ARL13B: variants seen among roughly 807,000 people sequenced by gnomAD.
ARL13B encodes the protein ADP-ribosylation factor-like protein 13B.
A neutral mutation model predicts 56.1 loss-of-function variants in ARL13B; 36 were observed. The ratio of observed to expected loss-of-function variants is 0.64; its 90% CI spans 0.49 to 0.85. The LOEUF (loss-of-function observed/expected upper bound fraction) is 0.85. ARL13B is among the 40% of genes least tolerant of loss of function. The pLI, the probability that ARL13B is intolerant of heterozygous loss-of-function variation, is 0.00. For missense variants in ARL13B, 519 were observed against 507.1 expected (o/e 1.02, Z -0.23); for synonymous variants, 178 against 171.1 (o/e 1.04, Z -0.32).
intron 3 of ARL13B, among the ~76,000 whole-genome samples, chr3:94,028,055 G>T (rs146909484): frequency 8.8e-4 from 134 of 152,086 alleles, no homozygotes; most frequent in Admixed American, 3.3e-4. Context: ...AATAATTTTA[G>T]ATCTGTTTTT....
At chr3:94,023,926 C>T (rs2076503158) in intron 3 of ARL13B, among the ~76,000 whole-genome samples, 1 of 152,100 alleles carries the variant, frequency 6.6e-6, no homozygotes, top group Admixed American at 6.6e-5. Context: ...CCAAATTGAT[C>T]ACTTTACACT....
chr3:94,038,576 T>C (rs1443151591), intron 5 of ARL13B, among the ~76,000 whole-genome samples: 1 of 138,848 alleles, frequency 7.2e-6, no homozygotes, highest in Non-Finnish European at 1.5e-5. Flanking sequence ...CAGGCTGGAG[T>C]GCAATGGCGC....
chr3:94,005,851 A>AT lies in ARL13B; in HGVS notation c.380+1951dup, dbSNP rs775963571. On this transcript the variant is annotated intron_variant, in intron 3 of 9. Transcript: ENST00000394222. The stretch of plus-strand genomic sequence containing the variant: ...AGATAGAGGGAAAGGTTTTTTGTAT[A>AT]TTTTTTTTGATATTTAATAGTTGTG... 8.5e-4 allele frequency among the ~76,000 whole-genome samples: 129 copies of AT among 151,876 alleles called. 1 individual carries two copies. Among genetic ancestry groups the AT allele is most frequent in the Admixed American group, 1.4e-3 (22 of 15,258 alleles).
At chr3:94,036,857 G>A in intron 5 of ARL13B, 103 bp downstream of exon 5, 1 of 1,311,560 alleles carries the variant, frequency 7.6e-7, no homozygotes. Flanking sequence ...TTCTTTCTGT[G>A]TGAAGGAAGA....
chr3:94,009,102 TAGATAG>T, intron 3 of ARL13B, among the ~76,000 whole-genome samples: 1 of 151,708 alleles, frequency 6.6e-6, no homozygotes, highest in Non-Finnish European at 1.5e-5. Flanking sequence ...GATAGATAGA[TAGATAG>T]ATAGATAGAT....
chr3:94,017,337 A>G (rs2076354604), intron 3 of ARL13B, among the ~76,000 whole-genome samples: 1 of 152,210 alleles, frequency 6.6e-6, no homozygotes, highest in African/African-American at 2.4e-5. Flanking sequence ...GGTTTGATTC[A>G]ATATAAAGAA....
Position 94,021,097 on chromosome 3 carries a change from C to T in ARL13B, c.381-14234C>T, listed in dbSNP as rs564585233. ...GAACAATTATGAAAGGAAGATTAGT[C>T]AGGAGGAATATTAGACGATACTATA... On this transcript the variant is annotated intron_variant, in intron 3 of 9. Transcript: ENST00000394222. Among the ~76,000 whole-genome samples, 4 of 151,572 alleles carry T rather than the reference C, an allele frequency of 2.6e-5. No homozygotes were observed. In the South Asian group the frequency reaches 6.2e-4, roughly 24 times the overall value.
Position 94,053,286 on chromosome 3 carries a change from CTTAATA to C in ARL13B, c.*25_*30del. On this transcript the variant is annotated 3_prime_UTR_variant, in exon 10 of 10. Coordinates refer to ENST00000394222, the MANE Select transcript of ARL13B (RefSeq NM_001174150.2). ...TAAACAAGACGTATGGAGGAGTTCT[CTTAATA>C]TCAGCAAGGTGAACTGGGACATTCT... The C allele has an allele frequency of 6.2e-7, 1 of 1,601,894 alleles. No individual in the cohort carries two copies. Among genetic ancestry groups the C allele is most frequent in the Non-Finnish European group, 8.5e-7 (1 of 1,169,690 alleles).
intron 4 of ARL13B, among the ~76,000 whole-genome samples, chr3:94,035,848 G>GA (rs2076758260): frequency 6.6e-6 from 1 of 152,192 alleles, no homozygotes; most frequent in Admixed American, 6.5e-5. Flanking sequence ...GAAGGGGGCA[G>GA]ATTGCTTGAG....
intron 1 of ARL13B, among the ~76,000 whole-genome samples, chr3:93,984,163 C>T (rs1208675082): frequency 5.9e-5 from 9 of 152,122 alleles, no homozygotes; most frequent in Non-Finnish European, 1.3e-4. Flanking sequence ...CAAGACCAGC[C>T]TGGCCAACAT....
intron 2 of ARL13B, among the ~76,000 whole-genome samples, chr3:94,001,725 GA>G (rs970280087): frequency 6.6e-6 from 1 of 152,110 alleles, no homozygotes; most frequent in African/African-American, 2.4e-5. Context: ...TGGTACCAAG[GA>G]GGTGTTTGAT....
chr3:94,038,959 A>G (rs1158175408), intron 5 of ARL13B, among the ~76,000 whole-genome samples: 1 of 152,218 alleles, frequency 6.6e-6, no homozygotes, highest in Non-Finnish European at 1.5e-5. Context: ...TTATTTTTAT[A>G]GCCACTGAAC....
chr3:94,043,757 C>T (rs2076920137), intron 7 of ARL13B, among the ~76,000 whole-genome samples: 1 of 136,466 alleles, frequency 7.3e-6, no homozygotes, highest in African/African-American at 2.8e-5. Context: ...CCTCGGGCTC[C>T]TGTGATTCTC....
At chr3:94,033,487 G>A (rs1018973622) in intron 3 of ARL13B, among the ~76,000 whole-genome samples, 3 of 151,776 alleles carry the variant, frequency 2.0e-5, no homozygotes, top group African/African-American at 7.3e-5. Context: ...CATTTATCTT[G>A]ACTTTGTGAA....
chr3:94,017,873 G>A (rs75793700), intron 3 of ARL13B, among the ~76,000 whole-genome samples: 2,456 of 152,234 alleles, frequency 0.016, 74 homozygotes, highest in African/African-American at 0.056. Context: ...CAAAGTGAAT[G>A]TAGATAGAAA....
intron 1 of ARL13B, among the ~76,000 whole-genome samples, chr3:93,994,506 G>A (rs1311533912): frequency 6.7e-6 from 1 of 149,616 alleles, no homozygotes; most frequent in Admixed American, 6.8e-5. Flanking sequence ...CGTATTATTA[G>A]TGTCTGTCTT....
At chr3:94,046,543 C>T (rs1295204001) in intron 7 of ARL13B, among the ~76,000 whole-genome samples, 1 of 152,032 alleles carries the variant, frequency 6.6e-6, no homozygotes, top group Non-Finnish European at 1.5e-5. Flanking sequence ...GGTAGTCCAT[C>T]ATATCCATGT....
At chr3:94,048,513 A>G (rs2107187272) in intron 7 of ARL13B, among the ~76,000 whole-genome samples, 1 of 152,280 alleles carries the variant, frequency 6.6e-6, no homozygotes, top group East Asian at 1.9e-4. Flanking sequence ...GCTAGTTCTA[A>G]TGCGATTTTG....
chr3:94,054,515 C>A lies in ARL13B; in HGVS notation c.*1252C>A. The A allele has an allele frequency of 2.6e-6, 1 of 380,326 alleles. No individual in the cohort carries two copies. The highest frequency in any genetic ancestry group is 5.0e-6 in the Non-Finnish European group (1 of 198,198). 23.6% of individuals were successfully genotyped at this position (380,326 alleles called of 1,614,324 possible). On this transcript the variant is annotated 3_prime_UTR_variant, in exon 10 of 10. Transcript: ENST00000394222. Reference sequence around the variant, plus strand: ...TTATATCCAATGAAAATAGTATAAACAGAATGATTTTTATACCACCTTGTT... The same window carrying A: ...TTATATCCAATGAAAATAGTATAAAAAGAATGATTTTTATACCACCTTGTT...
Sources: gnomAD v4.1 joint callset for allele counts (sites outside exome capture counted in the v4.1 genomes callset) on GRCh38, gnomAD v4.1.1 for gene constraint, MANE v1.5 for transcripts, NCBI Gene and HGNC (gene_info 2026-07-23, HGNC 2026-07-21) for gene names.